The following PDE10A variants were observed in gnomAD, a reference collection of about 807,000 sequenced individuals.
The protein encoded by PDE10A is cAMP and cAMP-inhibited cGMP 3',5'-cyclic phosphodiesterase 10A.
Under a neutral mutation model 97.7 loss-of-function variants are expected in PDE10A, and 39 were observed. That is an observed-to-expected ratio of 0.40 (90% CI 0.31 to 0.52). The LOEUF (loss-of-function observed/expected upper bound fraction) is 0.52, where lower values mean the gene tolerates loss of function less well. Among genes scored for constraint, PDE10A ranks in the 20% least tolerant of loss-of-function variants. The pLI is 0.56. For synonymous variants in PDE10A, 371 were observed against 376.8 expected, an observed-to-expected ratio of 0.98 and a Z score of 0.18; for missense variants, 731 against 1,047.8, an observed-to-expected ratio of 0.70 and a Z score of 4.17.
chr6:165,748,460 G>C (rs1164630475), intron 1 of PDE10A, among the ~76,000 whole-genome samples: 3 of 152,182 alleles, frequency 2.0e-5, no homozygotes, highest in Non-Finnish European at 4.4e-5. Context: ...TCCGTAGCTT[G>C]GAATTGTAAA....
intron 1 of PDE10A, among the ~76,000 whole-genome samples, chr6:165,679,320 C>T (rs528014469): frequency 5.3e-4 from 80 of 152,336 alleles, no homozygotes; most frequent in Non-Finnish European, 7.9e-4. Flanking sequence ...GTTCTGTATG[C>T]TACAATGGAT....
intron 1 of PDE10A, among the ~76,000 whole-genome samples, chr6:165,620,749 G>C (rs1788085315): frequency 2.0e-5 from 3 of 152,006 alleles, no homozygotes; most frequent in Non-Finnish European, 4.4e-5. Flanking sequence ...CAGACAAAAA[G>C]GATAGAGAAG....
intron 1 of PDE10A, among the ~76,000 whole-genome samples, chr6:165,794,190 GCACTCA>G (rs1778751654): frequency 1.5e-5 from 2 of 134,880 alleles, no homozygotes; most frequent in South Asian, 5.0e-4. Context: ...CCACACTCAC[GCACTCA>G]CGCTCACACA....
At chr6:165,419,629 C>T (rs1788556934) in intron 10 of PDE10A, among the ~76,000 whole-genome samples, 1 of 152,102 alleles carries the variant, frequency 6.6e-6, no homozygotes, top group South Asian at 2.1e-4. Flanking sequence ...CTTCCATTTC[C>T]TTCAACAAAT....
Position 165,753,311 on chromosome 6 carries a change from CCAAG to C in PDE10A, c.-614-209747_-614-209744del, listed in dbSNP as rs909231869. ...CAGTGCCCAGGGAGTCCACGGCAGGCCAAGCACTCTTCACAATGATCCCCGTATG... is the reference window on the plus strand; with the variant it reads ...CAGTGCCCAGGGAGTCCACGGCAGGCCACTCTTCACAATGATCCCCGTATG... On this transcript the variant is annotated intron_variant, in intron 1 of 19. Transcript: ENST00000366882. Among the ~76,000 whole-genome samples, 21 of 152,058 alleles carry C rather than the reference CCAAG, an allele frequency of 1.4e-4. 1 individual carries two copies. The highest frequency in any genetic ancestry group is 1.4e-3 in the Admixed American group (21 of 15,254).
chr6:165,638,353 T>G (rs1222774720), intron 1 of PDE10A, among the ~76,000 whole-genome samples: 2 of 152,152 alleles, frequency 1.3e-5, no homozygotes, highest in Non-Finnish European at 2.9e-5. Context: ...CAAATGGAGT[T>G]AACAAAGAGG....
chr6:165,709,101 C>T (rs1174236394), intron 1 of PDE10A, among the ~76,000 whole-genome samples: 5 of 126,930 alleles, frequency 3.9e-5, no homozygotes, highest in Admixed American at 8.0e-5. Context: ...CACATGCTGC[C>T]GTGCTCTCCC....
At chr6:165,737,552 T>C (rs1265542800) in intron 1 of PDE10A, among the ~76,000 whole-genome samples, 1 of 152,184 alleles carries the variant, frequency 6.6e-6, no homozygotes, top group Non-Finnish European at 1.5e-5. Flanking sequence ...AAAAAATATA[T>C]GGTCATCTCA....
chr6:165,872,955 G>A lies in PDE10A; in HGVS notation c.-615+114574C>T, dbSNP rs188658733. 2.1e-3 allele frequency among the ~76,000 whole-genome samples: 324 copies of A among 152,304 alleles called. 2 individuals are homozygous for A. The highest frequency in any genetic ancestry group is 7.5e-3 in the African/African-American group (311 of 41,574). On this transcript the variant is annotated intron_variant, in intron 1 of 19. Transcript: ENST00000366882. ...AGCCAGATGTCTCAGGTGACACCAG[G>A]CTTCAGCTCTGAAGCAGAAGCTATG...
intron 2 of PDE10A, among the ~76,000 whole-genome samples, chr6:165,488,753 A>G (rs1780060972): frequency 6.6e-6 from 1 of 152,106 alleles, no homozygotes; most frequent in South Asian, 2.1e-4. Flanking sequence ...GTTGCGGGGC[A>G]TGGTGGGTGT....
chr6:165,708,195 T>A (rs561966713), intron 1 of PDE10A, among the ~76,000 whole-genome samples: 9 of 152,236 alleles, frequency 5.9e-5, no homozygotes, highest in Non-Finnish European at 1.0e-4. Context: ...AGAGCCCCGG[T>A]CAGGTCACCA....
intron 1 of PDE10A, among the ~76,000 whole-genome samples, chr6:165,676,081 CCG>C (rs1168238886): frequency 6.6e-6 from 1 of 152,104 alleles, no homozygotes; most frequent in Non-Finnish European, 1.5e-5. Context: ...TTTGCAGCAA[CCG>C]GGGTGAAACT....
chr6:165,936,657 C>T (rs541854199), intron 1 of PDE10A, among the ~76,000 whole-genome samples: 4 of 152,012 alleles, frequency 2.6e-5, no homozygotes, highest in East Asian at 1.9e-4. Flanking sequence ...GCCTGTGAAA[C>T]GAAAGGAGAG....
intron 1 of PDE10A, among the ~76,000 whole-genome samples, chr6:165,922,260 G>A (rs1782777057): frequency 6.6e-6 from 1 of 152,142 alleles, no homozygotes; most frequent in African/African-American, 2.4e-5. Flanking sequence ...TGCCATCAGA[G>A]TACCCCAAGA....
chr6:165,932,369 C>G (rs987409299), intron 1 of PDE10A, among the ~76,000 whole-genome samples: 5 of 151,844 alleles, frequency 3.3e-5, no homozygotes, highest in Admixed American at 3.3e-4. Flanking sequence ...AAGTTTTGCT[C>G]TCATTGCCCA....
chr6:165,563,347 C>T (rs1784619070), intron 1 of PDE10A, among the ~76,000 whole-genome samples: 1 of 151,910 alleles, frequency 6.6e-6, no homozygotes, highest in African/African-American at 2.4e-5. Flanking sequence ...TAAACTTAAG[C>T]AATTTGCTTC....
chr6:165,798,811 G>A (rs774698056), intron 1 of PDE10A, among the ~76,000 whole-genome samples: 6 of 152,102 alleles, frequency 3.9e-5, no homozygotes, highest in Non-Finnish European at 7.3e-5. Context: ...AGGTTCAGGC[G>A]ATTCTCGTGC....
chr6:165,356,359 T>C (rs1211258279), intron 18 of PDE10A, among the ~76,000 whole-genome samples: 2 of 152,182 alleles, frequency 1.3e-5, no homozygotes, highest in Non-Finnish European at 2.9e-5. Context: ...ATTCCATGTG[T>C]TTATTGGCTT....
At chr6:165,513,432 C>A (rs1781618785) in intron 2 of PDE10A, among the ~76,000 whole-genome samples, 1 of 152,046 alleles carries the variant, frequency 6.6e-6, no homozygotes, top group African/African-American at 2.4e-5. Flanking sequence ...AACTAACATA[C>A]AGTGTTTGTA....
Sources: gnomAD v4.1 joint callset for allele counts (sites outside exome capture counted in the v4.1 genomes callset) on GRCh38, gnomAD v4.1.1 for gene constraint, MANE v1.5 for transcripts, NCBI Gene and HGNC (gene_info 2026-07-23, HGNC 2026-07-21) for gene names.